Variants in ADCY2 observed in about 807,000 individuals in gnomAD.
ADCY2 encodes the protein adenylate cyclase type 2.
A neutral mutation model predicts 125.2 loss-of-function variants in ADCY2; 31 were observed. The observed-to-expected ratio is 0.25, with a 90% CI of 0.19 to 0.33. The LOEUF is 0.33. Ranked by LOEUF, ADCY2 falls within the 10% of genes least tolerant of loss-of-function variation. The probability of loss-of-function intolerance (pLI) is 1.00; values close to 1 mark genes in which losing one functional copy is unlikely to be tolerated. For synonymous variants in ADCY2, 512 were observed against 548.4 expected (o/e 0.93, Z 0.93); for missense variants, 904 against 1,418.2 (o/e 0.64, Z 5.82).
chr5:7,789,747 G>A lies in ADCY2; in HGVS notation c.2575G>A (p.Val859Met). ...CCTGAACCGCGTGCTGCTGGAGAAC[G>A]TGCTTCCCGCGCACGTGGCTGAGCA... ...ENLNRVLLEN[V>M]LPAHVAEHFL... The change falls in exon 20 of 25, where the codon GTG becomes ATG. Residue 859 changes from valine to methionine, a missense_variant. By Grantham distance (21) the Val-to-Met change is conservative. Around this residue, in one of 7 missense-constraint regions of ADCY2, gnomAD observed 181 missense variants for 381.6 expected, o/e 0.47. Transcript: ENST00000338316. The A allele has an allele frequency of 6.2e-7, 1 of 1,613,148 alleles. No individual in the cohort carries two copies. Among genetic ancestry groups the A allele is most frequent in the Non-Finnish European group, 8.5e-7 (1 of 1,179,846 alleles).
intron 4 of ADCY2, among the ~76,000 whole-genome samples, chr5:7,638,971 C>T (rs1477666816): frequency 6.6e-6 from 1 of 152,074 alleles, no homozygotes; most frequent in Non-Finnish European, 1.5e-5. Context: ...GTTTTAAAAA[C>T]AGGAGTTTCC....
chr5:7,579,165 A>T (rs1736343456), intron 3 of ADCY2, among the ~76,000 whole-genome samples: 1 of 152,168 alleles, frequency 6.6e-6, no homozygotes, highest in South Asian at 2.1e-4. Flanking sequence ...TATAAAACAA[A>T]ACCACCTGAA....
intron 2 of ADCY2, among the ~76,000 whole-genome samples, chr5:7,486,391 T>C (rs920182734): frequency 6.6e-6 from 1 of 152,204 alleles, no homozygotes; most frequent in Non-Finnish European, 1.5e-5. Context: ...TGATACTTGG[T>C]TTATAAACTT....
rs186446371 is a variant in ADCY2, at chr5:7,461,463, G to A, written c.408+46693G>A. ...CCAATATTTTAGGTACATTCAGAGT[G>A]TATAATAATTGAGTATAATATTCTG... is the stretch of plus-strand genomic sequence containing the variant. On this transcript the variant is annotated intron_variant, in intron 2 of 24. Transcript: ENST00000338316. Among the ~76,000 whole-genome samples the A allele has an allele frequency of 3.4e-3, 521 of 152,338 alleles. 6 individuals are homozygous for A. The highest frequency in any genetic ancestry group is 0.012 in the African/African-American group (500 of 41,572).
chr5:7,757,501 G>C lies in ADCY2; in HGVS notation c.2009G>C (p.Gly670Ala). ...PLLMWLLKSS[G>A]IIANRPWPRI... ...CTCATGTGGCTTTTGAAGTCCTCGG[G>C]CATCATTGCCAACCGCCCCTGGCCA... is the stretch of plus-strand genomic sequence containing the variant. The change falls in exon 16 of 25, where the codon GGC becomes GCC. Residue 670 changes from glycine (G) to alanine (A), a missense_variant. Physicochemically the swap from Gly to Ala is moderately conservative, Grantham distance 60. This residue lies in a region of ADCY2 where 221 missense variants were observed against 246.2 expected (regional missense o/e 0.90). Transcript: ENST00000338316. The C allele has an allele frequency of 6.2e-7, 1 of 1,613,952 alleles. No homozygotes were observed. The highest frequency in any genetic ancestry group is 8.5e-7 in the Non-Finnish European group (1 of 1,179,984).
In ADCY2 at chr5:7,786,323, G is replaced by T. The variant is rs550231118; in HGVS notation, c.2469+1874G>T. Among the ~76,000 whole-genome samples, 16 of 152,272 alleles carry T rather than the reference G, an allele frequency of 1.1e-4. No individual in the cohort carries two copies. The South Asian group carries it at 3.3e-3, about 32-fold the overall frequency. On this transcript the variant is annotated intron_variant, in intron 19 of 24. Transcript: ENST00000338316. Reference sequence around the variant, plus strand: ...TTAGTACTCCCTTCCCCGAAAGGAGGGGAGGTATATCACAAAACACTCCAT... The same window carrying T: ...TTAGTACTCCCTTCCCCGAAAGGAGTGGAGGTATATCACAAAACACTCCAT...
chr5:7,465,584 A>G (rs988192934), intron 2 of ADCY2, among the ~76,000 whole-genome samples: 4 of 152,218 alleles, frequency 2.6e-5, no homozygotes, highest in African/African-American at 9.7e-5. Context: ...GTCCCTGAGA[A>G]TGCAGACACC....
intron 22 of ADCY2, among the ~76,000 whole-genome samples, chr5:7,808,262 T>C (rs571611469): frequency 9.9e-5 from 15 of 152,186 alleles, no homozygotes; most frequent in South Asian, 4.1e-4. Flanking sequence ...TTAGCCACCA[T>C]CCAGACTATA....
At chr5:7,558,169 C>A (rs1331010426) in intron 3 of ADCY2, among the ~76,000 whole-genome samples, 2 of 152,012 alleles carry the variant, frequency 1.3e-5, no homozygotes, top group African/African-American at 2.4e-5. Context: ...TCTTGTGCCT[C>A]AACCTCCACA....
At chr5:7,746,021 T>C (rs962039486) in intron 15 of ADCY2, among the ~76,000 whole-genome samples, 1 of 152,140 alleles carries the variant, frequency 6.6e-6, no homozygotes, top group Non-Finnish European at 1.5e-5. Context: ...CTCTCATAGC[T>C]CCTCCTGTGG....
intron 12 of ADCY2, among the ~76,000 whole-genome samples, chr5:7,718,712 T>C (rs1039494875): frequency 6.6e-6 from 1 of 152,144 alleles, no homozygotes; most frequent in African/African-American, 2.4e-5. Flanking sequence ...CAAGGCCCAC[T>C]GGCAGCACCA....
intron 15 of ADCY2, among the ~76,000 whole-genome samples, chr5:7,753,927 A>G (rs1381582390): frequency 6.6e-6 from 1 of 152,216 alleles, no homozygotes; most frequent in African/African-American, 2.4e-5. Context: ...ACAAGGAAAG[A>G]TACCGCCTGT....
chr5:7,810,614 G>A (rs963363808), intron 22 of ADCY2, among the ~76,000 whole-genome samples: 2 of 151,878 alleles, frequency 1.3e-5, no homozygotes, highest in Admixed American at 6.6e-5. Flanking sequence ...ATTGATTGGT[G>A]GGTTATCTAC....
At chr5:7,507,023 G>A (rs1018486854) in intron 2 of ADCY2, among the ~76,000 whole-genome samples, 2 of 149,936 alleles carry the variant, frequency 1.3e-5, no homozygotes, top group African/African-American at 4.9e-5. Flanking sequence ...TCCTGACCTC[G>A]TGATCCACCC....
chr5:7,814,151 T>C (rs2126534676), intron 22 of ADCY2, among the ~76,000 whole-genome samples: 1 of 152,334 alleles, frequency 6.6e-6, no homozygotes, highest in South Asian at 2.1e-4. Flanking sequence ...ACATGGTTTT[T>C]CTCTCATAAC....
chr5:7,748,569 G>A (rs1742709861), intron 15 of ADCY2, among the ~76,000 whole-genome samples: 1 of 137,508 alleles, frequency 7.3e-6, no homozygotes, highest in Admixed American at 7.1e-5. Flanking sequence ...CACACAAAAT[G>A]CTGAAGAAGC....
At chr5:7,433,743 G>A (rs1052407844) in intron 2 of ADCY2, among the ~76,000 whole-genome samples, 1 of 152,070 alleles carries the variant, frequency 6.6e-6, no homozygotes, top group Admixed American at 6.5e-5. Flanking sequence ...GAGACCTTGG[G>A]AACAGAATGG....
At chr5:7,795,515 A>G (rs1742972508) in intron 20 of ADCY2, 1 of 152,242 alleles carries the variant, frequency 6.6e-6, no homozygotes, top group African/African-American at 2.4e-5. Context: ...CTGAGTGCTC[A>G]GTGCCTCTGA....
chr5:7,601,694 A>G (rs1737209048), intron 3 of ADCY2, among the ~76,000 whole-genome samples: 1 of 152,034 alleles, frequency 6.6e-6, no homozygotes, highest in African/African-American at 2.4e-5. Flanking sequence ...TTCCTTCCAG[A>G]CCCTTCATTC....
Sources: gnomAD v4.1 joint callset for allele counts (sites outside exome capture counted in the v4.1 genomes callset) on GRCh38, gnomAD v4.1.1 for gene constraint, gnomAD v4.1.1 regional missense constraint, MANE v1.5 for transcripts, NCBI Gene and HGNC (gene_info 2026-07-23, HGNC 2026-07-21) for gene names.